Variants in HLCS observed in about 807,000 individuals in gnomAD.
HLCS encodes holocarboxylase synthetase, also known as biotin--protein ligase.
HLCS carries 53 observed loss-of-function variants against 75.0 expected under a neutral mutation model. The ratio of observed to expected loss-of-function variants is 0.71; its 90% confidence interval spans 0.57 to 0.89. HLCS has a LOEUF of 0.89. Ranked by LOEUF, HLCS falls within the 40% of genes least tolerant of loss-of-function variation. The pLI is 0.00. For missense variants in HLCS, 966 were observed against 1,074.0 expected, an observed-to-expected ratio of 0.90 and a Z score of 1.41; for synonymous variants, 431 against 428.6, an observed-to-expected ratio of 1.01 and a Z score of -0.07.
At chr21:36,868,806 T>C (rs2063664387) in intron 6 of HLCS, among the ~76,000 whole-genome samples, 1 of 152,166 alleles carries the variant, frequency 6.6e-6, no homozygotes, top group Non-Finnish European at 1.5e-5. Context: ...GTGTGGGCAG[T>C]TGTCCCCATC....
rs575442653 is a variant in HLCS at position 36,959,357 on chromosome 21, G to A, written c.330+2679C>T. Among the ~76,000 whole-genome samples the A allele has an allele frequency of 1.6e-4, 24 of 152,368 alleles. No homozygotes were observed. In the East Asian group the frequency reaches 4.4e-3, roughly 28 times the overall value. On this transcript the variant is annotated intron_variant, in intron 2 of 10. Transcript: ENST00000674895. ...TTTAGGAGCCACTCTGGACCACGAG[G>A]ATGGGAGGGAGGCCGAGGAGGGGCT...
At chr21:36,816,581 T>A (rs143266064) in intron 6 of HLCS, among the ~76,000 whole-genome samples, 35 of 152,340 alleles carry the variant, frequency 2.3e-4, no homozygotes, top group Non-Finnish European at 2.8e-4. Flanking sequence ...AGCTGGGGAC[T>A]AACCATCCTT....
intron 3 of HLCS, among the ~76,000 whole-genome samples, chr21:36,937,729 T>TCA (rs529683696): frequency 7.8e-4 from 119 of 152,310 alleles, no homozygotes; most frequent in Non-Finnish European, 1.3e-3. Flanking sequence ...TCTTGGGTGT[T>TCA]ATTCTCCTTC....
At chr21:36,882,430 G>T (rs1601613887) in intron 6 of HLCS, among the ~76,000 whole-genome samples, 3 of 151,700 alleles carry the variant, frequency 2.0e-5, no homozygotes, top group South Asian at 4.2e-4. Flanking sequence ...AGATTTTGGG[G>T]TTTTTTTGTT....
chr21:36,839,724 T>C (rs200316137), intron 6 of HLCS, among the ~76,000 whole-genome samples: 2 of 74,578 alleles, frequency 2.7e-5, no homozygotes, highest in Admixed American at 2.2e-4. Flanking sequence ...CCTACACACA[T>C]GTTTCTGAAA....
intron 6 of HLCS, among the ~76,000 whole-genome samples, chr21:36,813,243 C>T (rs78746919): frequency 0.014 from 2,064 of 152,292 alleles, 37 homozygotes; most frequent in African/African-American, 0.047. Context: ...TACTAAGCAA[C>T]GCAAACATGC....
chr21:36,804,836 A>T (rs2061317051), intron 6 of HLCS, among the ~76,000 whole-genome samples: 1 of 152,240 alleles, frequency 6.6e-6, no homozygotes, highest in East Asian at 1.9e-4. Flanking sequence ...CTGTTAAAAT[A>T]AAAATGGACC....
intron 6 of HLCS, among the ~76,000 whole-genome samples, chr21:36,801,641 G>A (rs374629352): frequency 6.6e-6 from 1 of 152,316 alleles, no homozygotes; most frequent in East Asian, 1.9e-4. Context: ...TTTCTAGCAT[G>A]AATGGATCTC....
intron 6 of HLCS, among the ~76,000 whole-genome samples, chr21:36,805,350 T>C (rs2061330954): frequency 6.6e-6 from 1 of 152,164 alleles, no homozygotes; most frequent in South Asian, 2.1e-4. Context: ...ACTGTCTTCC[T>C]TGCTTCCAGG....
chr21:36,871,851 A>C (rs2063780427), intron 6 of HLCS, among the ~76,000 whole-genome samples: 1 of 152,228 alleles, frequency 6.6e-6, no homozygotes, highest in Non-Finnish European at 1.5e-5. Context: ...CAAATTAAGA[A>C]TGCCAGCAGT....
At chr21:36,922,476 G>A (rs1455770547) in intron 5 of HLCS, among the ~76,000 whole-genome samples, 8 of 152,116 alleles carry the variant, frequency 5.3e-5, no homozygotes, top group Middle Eastern at 3.2e-3. Flanking sequence ...GGCCAAACTC[G>A]GCATGCTGTA....
At chr21:36,926,830 C>A (rs1241544930) in intron 5 of HLCS, among the ~76,000 whole-genome samples, 6 of 149,770 alleles carry the variant, frequency 4.0e-5, no homozygotes, top group Admixed American at 3.4e-4. Context: ...ACAGCCTCAA[C>A]CTCCCTGGCT....
intron 5 of HLCS, among the ~76,000 whole-genome samples, chr21:36,915,826 A>T (rs1206535274): frequency 1.3e-5 from 2 of 151,794 alleles, no homozygotes; most frequent in African/African-American, 4.9e-5. Flanking sequence ...CAGAATACAG[A>T]GCTGGACTGT....
chr21:36,773,947 A>G (rs369599976), intron 6 of HLCS, among the ~76,000 whole-genome samples: 8 of 152,356 alleles, frequency 5.3e-5, no homozygotes, highest in East Asian at 3.9e-4. Flanking sequence ...ACGCTAAAAT[A>G]TCAAGATATT....
At chr21:36,866,606 G>A (rs1164008526) in intron 6 of HLCS, among the ~76,000 whole-genome samples, 1 of 152,202 alleles carries the variant, frequency 6.6e-6, no homozygotes, top group African/African-American at 2.4e-5. Flanking sequence ...CAAATTCACA[G>A]AGGAAACACA....
chr21:36,776,909 C>A (rs78096299), intron 6 of HLCS, among the ~76,000 whole-genome samples: 2,995 of 152,310 alleles, frequency 0.02, 118 homozygotes, highest in African/African-American at 0.068. Flanking sequence ...GTTTGTGTAT[C>A]ACAATATATT....
chr21:36,773,953 A>ATATT (rs1358540821), intron 6 of HLCS, among the ~76,000 whole-genome samples: 5 of 152,190 alleles, frequency 3.3e-5, no homozygotes, highest in African/African-American at 1.2e-4. Context: ...AAATATCAAG[A>ATATT]TATTTCATTT....
Position 36,756,563 on chromosome 21 carries a change from T to A in HLCS, c.2429A>T (p.Tyr810Phe). Residue 810 changes from tyrosine (Y) to phenylalanine (F), a missense_variant, in exon 10 of 11, where the codon TAT becomes TTT. Transcript: ENST00000674895. ...TGACCTGTGGACCCAGTATCGGTAA[T>A]AAAGGGGAAGGACGCTGTTGGGCCC... ...DKGPNSVLPLYYRYWVHSGQQ... is the reference protein window; with the variant it reads ...DKGPNSVLPLFYRYWVHSGQQ... The A allele has an allele frequency of 6.3e-7, 1 of 1,577,502 alleles. No individual in the cohort carries two copies. The highest frequency in any genetic ancestry group is 8.6e-7 in the Non-Finnish European group (1 of 1,158,188).
chr21:36,784,738 T>G (rs988188007), intron 6 of HLCS, among the ~76,000 whole-genome samples: 15 of 152,240 alleles, frequency 9.9e-5, no homozygotes, highest in African/African-American at 3.6e-4. Flanking sequence ...GCTTTATCTT[T>G]TTTTCTGAGA....
Sources: allele counts gnomAD v4.1 joint callset (sites outside exome capture counted in the v4.1 genomes callset), GRCh38; gene constraint gnomAD v4.1.1; transcripts MANE v1.5; gene names NCBI Gene and HGNC (gene_info 2026-07-23, HGNC 2026-07-21).